Variants in ABCB5 observed in about 807,000 individuals in gnomAD.
ABCB5 encodes ATP-binding cassette sub-family B member 5.
A neutral mutation model predicts 144.2 loss-of-function variants in ABCB5; 155 were observed. That is an observed-to-expected ratio of 1.08 (90% CI 0.94 to 1.23). The LOEUF (loss-of-function observed/expected upper bound fraction) is 1.23, where lower values mean the gene tolerates loss of function less well. Among genes scored for constraint, ABCB5 ranks in the 50% most tolerant of loss-of-function variants. The probability of loss-of-function intolerance (pLI) is 0.00; values close to 1 mark genes in which losing one functional copy is unlikely to be tolerated. For missense variants in ABCB5, 1,830 were observed against 1,520.8 expected (o/e 1.20, Z -3.38); for synonymous variants, 610 against 528.6 (o/e 1.15, Z -2.11).
At chr7:20,679,268 G>C (rs1475213416) in intron 14 of ABCB5, among the ~76,000 whole-genome samples, 1 of 151,982 alleles carries the variant, frequency 6.6e-6, no homozygotes, top group African/African-American at 2.4e-5. Flanking sequence ...AGGAGTTCAA[G>C]ATCAGCCTGG....
At chr7:20,746,277 T>G in intron 26 of ABCB5, among the ~76,000 whole-genome samples, 1 of 152,180 alleles carries the variant, frequency 6.6e-6, no homozygotes, top group Admixed American at 6.5e-5. Flanking sequence ...TTTTGTATTT[T>G]TAGTAGAGAA....
At chr7:20,683,469 C>A (rs7812181) in intron 15 of ABCB5, among the ~76,000 whole-genome samples, 130,840 of 152,188 alleles carry the variant, frequency 0.86, 56,300 homozygotes, top group East Asian at 1. Flanking sequence ...ATTTTTTAAA[C>A]ACTATTAATA....
rs183727655 is a variant in ABCB5 at position 20,647,601 on chromosome 7, G to A, written c.1048G>A (p.Ala350Thr). The A allele has an allele frequency of 2.1e-4, 327 of 1,587,594 alleles. 1 individual carries two copies. In the African/African-American group the frequency reaches 4.0e-3, roughly 19 times the overall value. The change falls in exon 10 of 28, where the codon GCA becomes ACA. Residue 350 changes from alanine to threonine, a missense_variant. Physicochemically the swap from Ala to Thr is moderately conservative, Grantham distance 58 (BLOSUM62 0). Transcript: ENST00000404938. The stretch of plus-strand genomic sequence containing the variant: ...AGCAGTCCCTCACTTTGAAACCTTC[G>A]CAATAGCCCGAGGAGCTGCCTTTCA... ...GAAVPHFETF[A>T]IARGAAFHIF... is the part of the protein sequence containing the mutation.
chr7:20,640,124 G>A (rs1784262096), intron 5 of ABCB5, among the ~76,000 whole-genome samples: 1 of 151,974 alleles, frequency 6.6e-6, no homozygotes, highest in African/African-American at 2.4e-5. Context: ...AATTCAACAA[G>A]ATGATTTGTA....
chr7:20,694,980 G>A (rs1786358188), intron 16 of ABCB5, among the ~76,000 whole-genome samples: 1 of 152,000 alleles, frequency 6.6e-6, no homozygotes, highest in Non-Finnish European at 1.5e-5. Context: ...TATTTTCAAT[G>A]TGAGTGAATA....
At chr7:20,710,060 A>T (rs1480342681) in intron 20 of ABCB5, among the ~76,000 whole-genome samples, 1 of 126,038 alleles carries the variant, frequency 7.9e-6, no homozygotes, top group African/African-American at 3.8e-5. Context: ...GCAAGACTCT[A>T]AAAAAAAAAA....
In ABCB5 at chr7:20,623,341, A is replaced by C. The variant is rs1401291139; in HGVS notation, c.53+3A>C. On this transcript the variant is annotated splice_donor_region_variant and intron_variant, in intron 2 of 27. Coordinates refer to ENST00000404938, the MANE Select transcript of ABCB5 (RefSeq NM_001163941.2). ...CAAGAAAATTATCAGAGAAATGGGTAAGCTCTCACTAAGTTCTGTAAGTAT... is the reference window on the plus strand; with the variant it reads ...CAAGAAAATTATCAGAGAAATGGGTCAGCTCTCACTAAGTTCTGTAAGTAT... 1 of 1,547,636 alleles carries C rather than the reference A, an allele frequency of 6.5e-7. No individual in the cohort carries two copies.
intron 26 of ABCB5, among the ~76,000 whole-genome samples, chr7:20,749,370 G>A (rs1484347294): frequency 1.3e-5 from 2 of 149,206 alleles, no homozygotes; most frequent in Non-Finnish European, 3.0e-5. Context: ...TGCGACCATA[G>A]GTGCCTGCCA....
At chr7:20,691,639 C>T (rs1224893140) in intron 16 of ABCB5, among the ~76,000 whole-genome samples, 1 of 146,106 alleles carries the variant, frequency 6.8e-6, no homozygotes, top group Non-Finnish European at 1.5e-5. Context: ...TTTTAGGGTA[C>T]ATGTGCACAA....
chr7:20,641,084 T>C (rs962308971), intron 5 of ABCB5, among the ~76,000 whole-genome samples: 3 of 152,140 alleles, frequency 2.0e-5, no homozygotes, highest in African/African-American at 7.2e-5. Flanking sequence ...TGCTTCCATT[T>C]CTCATTTTCA....
intron 20 of ABCB5, among the ~76,000 whole-genome samples, chr7:20,715,811 CCGGG>C (rs1781657337): frequency 6.6e-6 from 1 of 151,832 alleles, no homozygotes; most frequent in African/African-American, 2.4e-5. Flanking sequence ...CCTCCGCCTC[CCGGG>C]TTCAAGCGAC....
At chr7:20,753,279 T>C in intron 26 of ABCB5, 81 bp from the exon 27 acceptor site, 1 of 1,500,002 alleles carries the variant, frequency 6.7e-7, no homozygotes. Context: ...ATTTGAAATA[T>C]TTAGATGGTT....
chr7:20,755,645 T>G lies in ABCB5; in HGVS notation c.*21T>G. On this transcript the variant is annotated 3_prime_UTR_variant, in exon 28 of 28. Transcript: ENST00000404938. ...AGTGATGCTGTTGAGGTAGCACATA[T>G]TTTGATGTTCGTGTAATGCAAAGAA... 6.2e-7 allele frequency: 1 copy of G among 1,610,616 alleles called. No homozygotes were observed. The highest frequency in any genetic ancestry group is 2.2e-5 in the East Asian group (1 of 44,860).
At chr7:20,690,687 C>T (rs546304407) in intron 16 of ABCB5, among the ~76,000 whole-genome samples, 28 of 151,962 alleles carry the variant, frequency 1.8e-4, no homozygotes, top group Admixed American at 7.9e-4. Context: ...AAGCTGTCAG[C>T]GGAGAAATAA....
At chr7:20,647,186 C>A in intron 9 of ABCB5, 1 of 671,022 alleles carries the variant, frequency 1.5e-6, no homozygotes. Flanking sequence ...GAGGGGAGTG[C>A]AACTCACCAT....
intron 4 of ABCB5, among the ~76,000 whole-genome samples, 197 bp downstream of exon 4, chr7:20,629,035 TTAAAA>T (rs1446622427): frequency 6.7e-6 from 1 of 150,366 alleles, no homozygotes; most frequent in Non-Finnish European, 1.5e-5. Context: ...TATAATTGAA[TTAAAA>T]TAAATAAATA....
At chr7:20,621,774 G>A (rs1200380371) in intron 1 of ABCB5, among the ~76,000 whole-genome samples, 4 of 152,130 alleles carry the variant, frequency 2.6e-5, no homozygotes, top group South Asian at 2.1e-4. Context: ...TAAAATCAAC[G>A]CCTTGCGTAA....
chr7:20,752,835 G>C (rs923711603), intron 26 of ABCB5, among the ~76,000 whole-genome samples: 1 of 152,160 alleles, frequency 6.6e-6, no homozygotes, highest in Admixed American at 6.5e-5. Flanking sequence ...AACAGAGCGA[G>C]ACACGGTCTC....
At chr7:20,646,250 A>T in intron 9 of ABCB5, 112 bp downstream of exon 9, 1 of 1,064,220 alleles carries the variant, frequency 9.4e-7, no homozygotes, top group Non-Finnish European at 1.3e-6. Flanking sequence ...TTTATTAAAC[A>T]AATATTTGTT....
Sources: allele counts gnomAD v4.1 joint callset (sites outside exome capture counted in the v4.1 genomes callset), GRCh38; gene constraint gnomAD v4.1.1; transcripts MANE v1.5; gene names NCBI Gene and HGNC (gene_info 2026-07-23, HGNC 2026-07-21).